The following HNMT variants were observed in gnomAD, a reference collection of about 807,000 sequenced individuals.
HNMT encodes histamine N-methyltransferase.
Under a neutral mutation model 32.1 loss-of-function variants are expected in HNMT, and 30 were observed. The ratio of observed to expected loss-of-function variants is 0.93; its 90% CI spans 0.70 to 1.27. The LOEUF (loss-of-function observed/expected upper bound fraction) is 1.27, where lower values mean the gene tolerates loss of function less well. Ranked by LOEUF, HNMT falls within the 50% of genes most tolerant of loss-of-function variation. The pLI, the probability that HNMT is intolerant of heterozygous loss-of-function variation, is 0.00. For missense variants in HNMT, 327 were observed against 346.0 expected (o/e 0.95, Z 0.43); for synonymous variants, 125 against 119.0 (o/e 1.05, Z -0.33).
intron 2 of HNMT, among the ~76,000 whole-genome samples, chr2:137,978,037 T>G (rs1019010971): frequency 8.5e-5 from 13 of 152,200 alleles, no homozygotes; most frequent in Middle Eastern, 3.4e-3. Context: ...CCTGCCACCC[T>G]TGGACTTGAG....
intron 1 of HNMT, 52 bp downstream of exon 1, chr2:137,964,680 G>A (rs759519746): frequency 1.8e-5 from 29 of 1,587,122 alleles, no homozygotes; most frequent in Non-Finnish European, 2.2e-5. Context: ...CTGGCTGTGC[G>A]TCAGTGATAG....
At chr2:138,012,019 T>C (rs1681520917) in intron 5 of HNMT, among the ~76,000 whole-genome samples, 1 of 152,142 alleles carries the variant, frequency 6.6e-6, no homozygotes, top group Admixed American at 6.6e-5. Flanking sequence ...ATGCATGTAT[T>C]AGAAGGCCCA....
Position 138,005,195 on chromosome 2 carries a change from A to G in HNMT, c.493A>G (p.Asn165Asp), listed in dbSNP as rs1169927451. The change falls in exon 5 of 6, where the codon AAT (asparagine) becomes GAT (aspartate). Residue 165 changes from asparagine to aspartate, a missense_variant. Transcript: ENST00000280097. ...LKFFHSLLGTNAKMLIIVVSG... is the reference protein window; with the variant it reads ...LKFFHSLLGTDAKMLIIVVSG... ...ATTCTTCCATAGTCTCTTAGGTACCAATGCTAAGATGCTCATTATTGTTGT... is the reference window on the plus strand; with the variant it reads ...ATTCTTCCATAGTCTCTTAGGTACCGATGCTAAGATGCTCATTATTGTTGT... 1.9e-6 allele frequency: 3 copies of G among 1,599,330 alleles called. No individual in the cohort carries two copies. The African/African-American group carries it at 4.0e-5, about 21-fold the overall frequency.
chr2:137,989,179 A>G (rs1041885930), intron 2 of HNMT, among the ~76,000 whole-genome samples: 4 of 152,166 alleles, frequency 2.6e-5, no homozygotes, highest in African/African-American at 7.2e-5. Context: ...CCACCATTAC[A>G]GTATTATACA....
chr2:137,995,920 C>T (rs1228038497), intron 2 of HNMT, among the ~76,000 whole-genome samples: 1 of 152,134 alleles, frequency 6.6e-6, no homozygotes, highest in African/African-American at 2.4e-5. Flanking sequence ...ACAAAAACCA[C>T]ATTATTATCT....
chr2:137,994,381 A>T (rs191777882), intron 2 of HNMT, among the ~76,000 whole-genome samples: 3 of 152,364 alleles, frequency 2.0e-5, no homozygotes. Flanking sequence ...TTGAAATCCT[A>T]GTCTCTGACA....
chr2:137,993,936 G>A (rs1441106166), intron 2 of HNMT, among the ~76,000 whole-genome samples: 1 of 152,044 alleles, frequency 6.6e-6, no homozygotes, highest in Non-Finnish European at 1.5e-5. Context: ...CATAAGCAAA[G>A]GAGAAATAAA....
At chr2:138,013,664 C>A (rs2104994631) in intron 5 of HNMT, 111 bp from the exon 6 acceptor site, 1 of 758,646 alleles carries the variant, frequency 1.3e-6, no homozygotes, top group Non-Finnish European at 2.1e-6. Flanking sequence ...ATGAGCTGCA[C>A]AAAGGACAAG....
intron 2 of HNMT, among the ~76,000 whole-genome samples, chr2:137,986,858 T>G (rs919396998): frequency 6.6e-6 from 1 of 152,194 alleles, no homozygotes; most frequent in South Asian, 2.1e-4. Flanking sequence ...GTGCTGTGTA[T>G]CCCATTGATT....
At chr2:137,988,684 G>A (rs1432751838) in intron 2 of HNMT, 1 of 152,042 alleles carries the variant, frequency 6.6e-6, no homozygotes, top group Non-Finnish European at 1.5e-5. Flanking sequence ...AGACCAGCCT[G>A]GCCAATATGG....
chr2:137,967,169 G>A (rs1030296258), intron 1 of HNMT: 20 of 767,206 alleles, frequency 2.6e-5, no homozygotes, highest in Admixed American at 8.7e-5. Context: ...CTAGCACTTC[G>A]GGAGGCTGAG....
In HNMT at chr2:138,000,959, T is replaced by A. The variant is rs1477012598; in HGVS notation, c.232T>A (p.Tyr78Asn). 6.2e-7 allele frequency: 1 copy of A among 1,608,586 alleles called. No individual in the cohort carries two copies. The highest frequency in any genetic ancestry group is 1.3e-5 in the African/African-American group (1 of 74,634). ...AATTCTCTCCAAAGTTCAGGCTCAA[T>A]ACCCAGGAGTTTGTATCAACAATGA... ...LQILSKVQAQ[Y>N]PGVCINNEVV... Residue 78 changes from tyrosine to asparagine, a missense_variant, in exon 3 of 6, where the codon TAC (tyrosine) becomes AAC (asparagine). Physicochemically the swap from Tyr to Asn is moderately radical, Grantham distance 143. Transcript: ENST00000280097.
chr2:137,989,138 C>T (rs796913825), intron 2 of HNMT, among the ~76,000 whole-genome samples: 15 of 152,234 alleles, frequency 9.9e-5, no homozygotes, highest in Middle Eastern at 3.4e-3. Flanking sequence ...TTGTATTCCA[C>T]GGGTTTAAAC....
intron 4 of HNMT, 101 bp downstream of exon 4, chr2:138,002,295 T>A: frequency 8.9e-7 from 1 of 1,117,808 alleles, no homozygotes; most frequent in Non-Finnish European, 1.2e-6. Context: ...TAAATGAAAA[T>A]CTTCTGATTT....
At chr2:137,982,764 C>G (rs914508240) in intron 2 of HNMT, among the ~76,000 whole-genome samples, 8 of 152,286 alleles carry the variant, frequency 5.3e-5, no homozygotes, top group African/African-American at 1.9e-4. Flanking sequence ...AAAGTGTTTT[C>G]TTTCCCTTTA....
At chr2:137,983,966 T>G (rs965591047) in intron 2 of HNMT, among the ~76,000 whole-genome samples, 1 of 152,200 alleles carries the variant, frequency 6.6e-6, no homozygotes, top group African/African-American at 2.4e-5. Flanking sequence ...TGACCTATTC[T>G]GGTTTCCCTC....
Position 138,005,167 on chromosome 2 carries a change from G to T in HNMT, c.465G>T (p.Leu155=). The part of the protein sequence containing the change: ...LYYVKDIPAT[L]KFFHSLLGTN... ...ATGTAAAAGACATCCCAGCTACCCT[G>T]AAATTCTTCCATAGTCTCTTAGGTA... The change falls in exon 5 of 6, where the codon CTG becomes CTT. Residue 155 remains leucine, a synonymous_variant. Coordinates refer to ENST00000280097, the MANE Select transcript of HNMT (RefSeq NM_006895.3). 1 of 1,603,448 alleles carries T rather than the reference G, an allele frequency of 6.2e-7. No homozygotes were observed. The highest frequency in any genetic ancestry group is 8.5e-7 in the Non-Finnish European group (1 of 1,170,946).
chr2:137,982,313 TAAC>T (rs1393967574), intron 2 of HNMT, among the ~76,000 whole-genome samples: 2 of 152,228 alleles, frequency 1.3e-5, no homozygotes, highest in Admixed American at 6.5e-5. Flanking sequence ...TTTTTGAACT[TAAC>T]AAGTTCCACA....
chr2:137,984,664 T>C (rs1405394916), intron 2 of HNMT, among the ~76,000 whole-genome samples: 1 of 152,182 alleles, frequency 6.6e-6, no homozygotes, highest in Non-Finnish European at 1.5e-5. Flanking sequence ...ATCTGAACAC[T>C]AAGTAAATAT....
Sources: allele counts gnomAD v4.1 joint callset (sites outside exome capture counted in the v4.1 genomes callset), GRCh38; gene constraint gnomAD v4.1.1; transcripts MANE v1.5; gene names NCBI Gene and HGNC (gene_info 2026-07-23, HGNC 2026-07-21).